The following B3GALT1 variants were observed in gnomAD, a reference collection of about 807,000 sequenced individuals.
B3GALT1 encodes beta-1,3-galactosyltransferase 1.
B3GALT1 carries 10 observed loss-of-function variants against 23.2 expected under a neutral mutation model. The observed-to-expected ratio is 0.43, with a 90% CI of 0.27 to 0.73. B3GALT1 has a LOEUF of 0.73. B3GALT1 is among the 30% of genes least tolerant of loss of function. The probability of loss-of-function intolerance (pLI) is 0.21; values close to 1 mark genes in which losing one functional copy is unlikely to be tolerated. For missense variants in B3GALT1, 299 were observed against 405.4 expected, an observed-to-expected ratio of 0.74 and a Z score of 2.25; for synonymous variants, 156 against 141.5, an observed-to-expected ratio of 1.10 and a Z score of -0.73.
At chr2:167,727,910 CTT>C (rs200872150) in intron 3 of B3GALT1, among the ~76,000 whole-genome samples, 31,576 of 152,188 alleles carry the variant, frequency 0.21, 3,696 homozygotes, top group East Asian at 0.31. Context: ...CAGCTAGAAG[CTT>C]TTGATACATT....
At chr2:167,382,499 A>C (rs1322859499) in intron 1 of B3GALT1, among the ~76,000 whole-genome samples, 1 of 150,382 alleles carries the variant, frequency 6.6e-6, no homozygotes, top group Admixed American at 6.6e-5. Context: ...TCTTTTCTTC[A>C]TCCCCTCTGT....
chr2:167,779,218 CT>C (rs1317762729), intron 3 of B3GALT1, among the ~76,000 whole-genome samples: 1 of 151,468 alleles, frequency 6.6e-6, no homozygotes, highest in African/African-American at 2.4e-5. Context: ...CTTTTTCTTT[CT>C]TTCTACACAT....
Position 167,801,299 on chromosome 2 carries a change from G to A in B3GALT1, c.-351-17373G>A, listed in dbSNP as rs187716482. 2.3e-3 allele frequency among the ~76,000 whole-genome samples: 354 copies of A among 152,170 alleles called. 1 individual carries two copies. The highest frequency in any genetic ancestry group is 4.1e-3 in the Non-Finnish European group (276 of 68,008). On this transcript the variant is annotated intron_variant, in intron 3 of 4. Transcript: ENST00000392690. ...TTGTATTCTCTCTGAATGAATAAGA[G>A]AAATCATTGTAGACATAGGAGATGG...
chr2:167,427,427 C>T (rs6747382), intron 1 of B3GALT1, among the ~76,000 whole-genome samples: 142,519 of 152,256 alleles, frequency 0.94, 67,111 homozygotes, highest in Non-Finnish European at 0.99. Flanking sequence ...CCATGGAAGC[C>T]ACCAACAAAA....
chr2:167,664,010 G>A (rs2105475533), intron 3 of B3GALT1, among the ~76,000 whole-genome samples: 1 of 148,234 alleles, frequency 6.7e-6, no homozygotes, highest in East Asian at 1.9e-4. Context: ...CATTGCTTTT[G>A]GTGTTTTAGA....
At chr2:167,744,908 G>A (rs1687630592) in intron 3 of B3GALT1, among the ~76,000 whole-genome samples, 1 of 152,112 alleles carries the variant, frequency 6.6e-6, no homozygotes, top group African/African-American at 2.4e-5. Context: ...TTTATACACA[G>A]TAAATGTCTT....
At position 167,869,244 on chromosome 2, in the gene B3GALT1, G is replaced by A. The variant is rs267598991; in HGVS notation, c.205G>A (p.Glu69Lys). ...ACATTCTTTTGAATTTCTTATCAAC[G>A]AGCCCAATAAATGTGAGAAAAACAT... The part of the protein sequence containing the change: ...NPHSFEFLIN[E>K]PNKCEKNIPF... Residue 69 changes from glutamate (E) to lysine (K), a missense_variant, in exon 5 of 5, where the codon GAG (glutamate) becomes AAG (lysine). This residue lies in a region of B3GALT1 where 162 missense variants were observed against 184.1 expected (regional missense o/e 0.88). Transcript: ENST00000392690. This position sits in a 1 kb window ranked among gnomAD's most constrained non-coding sequence, Gnocchi z 6.4. The A allele has an allele frequency of 1.2e-6, 2 of 1,614,082 alleles. No homozygotes were observed. Among genetic ancestry groups the A allele is most frequent in the East Asian group, 2.2e-5 (1 of 44,880 alleles).
At chr2:167,345,021 T>TA (rs1419508703) in intron 1 of B3GALT1, among the ~76,000 whole-genome samples, 2 of 152,184 alleles carry the variant, frequency 1.3e-5, no homozygotes, top group Non-Finnish European at 2.9e-5. Context: ...AAAATCCTAA[T>TA]AAAATATTTT....
intron 1 of B3GALT1, among the ~76,000 whole-genome samples, chr2:167,388,070 G>T (rs1212065314): frequency 6.6e-6 from 1 of 152,168 alleles, no homozygotes; most frequent in East Asian, 1.9e-4. Context: ...TTTCCTGTCG[G>T]CAGCATTAAA....
intron 3 of B3GALT1, among the ~76,000 whole-genome samples, chr2:167,678,238 C>G (rs1373009738): frequency 6.6e-6 from 1 of 152,198 alleles, no homozygotes; most frequent in African/African-American, 2.4e-5. Context: ...ATAATAGCAA[C>G]TGCTGTTGAT....
chr2:167,803,458 T>G (rs1248191312), intron 3 of B3GALT1, among the ~76,000 whole-genome samples: 1 of 151,844 alleles, frequency 6.6e-6, no homozygotes, highest in East Asian at 1.9e-4. Flanking sequence ...ATATGTGGAG[T>G]TTTCTGTCGT....
chr2:167,803,120 A>C (rs182252267), intron 3 of B3GALT1, among the ~76,000 whole-genome samples: 62 of 136,628 alleles, frequency 4.5e-4, no homozygotes, highest in African/African-American at 1.5e-3. Flanking sequence ...ACACACACAC[A>C]CCCCTTGGTT....
intron 2 of B3GALT1, among the ~76,000 whole-genome samples, chr2:167,600,599 A>C (rs1032074021): frequency 1.3e-5 from 2 of 151,354 alleles, no homozygotes; most frequent in Non-Finnish European, 3.0e-5. Context: ...GTGTAGATTT[A>C]CCTTTGCTGG....
chr2:167,457,365 G>T (rs1009706530), intron 1 of B3GALT1, among the ~76,000 whole-genome samples: 1 of 151,802 alleles, frequency 6.6e-6, no homozygotes, highest in Non-Finnish European at 1.5e-5. Context: ...TAGAGACAGG[G>T]TTTCACCATG....
At chr2:167,849,484 G>C (rs2105413100) in intron 4 of B3GALT1, among the ~76,000 whole-genome samples, 1 of 152,240 alleles carries the variant, frequency 6.6e-6, no homozygotes, top group South Asian at 2.1e-4. Flanking sequence ...GTGAGGAAAG[G>C]ACACCCTTTT....
At chr2:167,538,834 T>A (rs1296971565) in intron 2 of B3GALT1, among the ~76,000 whole-genome samples, 1 of 152,218 alleles carries the variant, frequency 6.6e-6, no homozygotes, top group Non-Finnish European at 1.5e-5. Context: ...CTTCTTAGTT[T>A]TCACACACAA....
rs138323484 is a variant in B3GALT1 at position 167,557,827 on chromosome 2, G to A, written c.-410+67550G>A. On this transcript the variant is annotated intron_variant, in intron 2 of 4. Coordinates refer to ENST00000392690, the MANE Select transcript of B3GALT1 (RefSeq NM_020981.4). The stretch of plus-strand genomic sequence containing the variant: ...CAAGAAGGGTACTTAGCGAAATTGC[G>A]TCCTGGGAAAGGAAGAATCCAATCT... 2.1e-4 allele frequency among the ~76,000 whole-genome samples: 32 copies of A among 152,280 alleles called. No individual in the cohort carries two copies. The East Asian group carries it at 2.7e-3, about 13-fold the overall frequency.
chr2:167,345,109 G>A (rs1245765477), intron 1 of B3GALT1, among the ~76,000 whole-genome samples: 1 of 152,086 alleles, frequency 6.6e-6, no homozygotes, highest in Middle Eastern at 3.2e-3. Flanking sequence ...GTAAATGATG[G>A]CCACCAGTCT....
In B3GALT1 at chr2:167,658,768, G is replaced by C. The variant is rs1574194971; in HGVS notation, c.-352+11802G>C. ...GTATAATGCAAGGTAATTAGCAAAAGGAGAACTGATTATAGTGTACAATAT... is the reference window on the plus strand; with the variant it reads ...GTATAATGCAAGGTAATTAGCAAAACGAGAACTGATTATAGTGTACAATAT... On this transcript the variant is annotated intron_variant, in intron 3 of 4. Transcript: ENST00000392690. 2.6e-5 allele frequency among the ~76,000 whole-genome samples: 4 copies of C among 152,128 alleles called. No homozygotes were observed. In the South Asian group the frequency reaches 8.3e-4, roughly 32 times the overall value.
Sources: gnomAD v4.1 joint callset for allele counts (sites outside exome capture counted in the v4.1 genomes callset) on GRCh38, gnomAD v4.1.1 for gene constraint, gnomAD v4.1.1 regional missense constraint, Gnocchi (gnomAD v3.1) non-coding constraint, MANE v1.5 for transcripts, NCBI Gene and HGNC (gene_info 2026-07-23, HGNC 2026-07-21) for gene names.